EVPL: variants seen among roughly 807,000 people sequenced by gnomAD.
EVPL encodes the protein envoplakin.
Under a neutral mutation model 129.7 loss-of-function variants are expected in EVPL, and 94 were observed. That is an observed-to-expected ratio of 0.72 (90% CI 0.61 to 0.86). The LOEUF is 0.86. Among genes scored for constraint, EVPL ranks in the 40% least tolerant of loss-of-function variants. EVPL has a pLI of 0.00. For synonymous variants in EVPL, 1,172 were observed against 1,191.1 expected (o/e 0.98, Z 0.33); for missense variants, 2,625 against 2,721.1 (o/e 0.96, Z 0.79).
rs2066363814 is a variant in EVPL, at chr17:76,010,085, C to T, written c.3120G>A (p.Gln1040=). The change falls in exon 22 of 22, where the codon CAG becomes CAA. Residue 1040 remains glutamine, a synonymous_variant. Transcript: ENST00000301607. ...SQAAQLRIQI[Q]QLRGEDAVIS... ...TGACGGCATCCTCCCCGCGGAGCTG[C>T]TGGATCTGGATCCTGAGCTGGGCCG... 6.2e-7 allele frequency: 1 copy of T among 1,613,864 alleles called. No homozygotes were observed. Among genetic ancestry groups the T allele is most frequent in the East Asian group, 2.2e-5 (1 of 44,882 alleles).
intron 1 of EVPL, 101 bp downstream of exon 1, chr17:76,027,000 C>T: frequency 1.5e-6 from 1 of 674,116 alleles, no homozygotes; most frequent in Non-Finnish European, 2.5e-6. Context: ...GGGGCTGGTC[C>T]TGGGCTCTGG....
In EVPL at chr17:76,009,464, C is replaced by T. The variant is rs534647471; in HGVS notation, c.3741G>A (p.Thr1247=). 5.0e-6 allele frequency: 8 copies of T among 1,614,136 alleles called. No homozygotes were observed. Among genetic ancestry groups the T allele is most frequent in the East Asian group, 2.2e-5 (1 of 44,872 alleles). The change falls in exon 22 of 22, where the codon ACG becomes ACA. Residue 1247 remains threonine (T), a synonymous_variant. Transcript: ENST00000301607. This position sits in a 1 kb window ranked among gnomAD's most constrained non-coding sequence, Gnocchi z 5.9. ...CCTGGGTCACCTCCTTGTACTCCAC[C>T]GTGGGCTTCTGGGCCCGCAGGACCT... ...DLEVLRAQKP[T]VEYKEVTQEV... is the part of the protein sequence containing the mutation.
chr17:76,007,100 G>C lies in EVPL; in HGVS notation c.*3C>G. ...CACTTCCCCACTGGCTCCTTGGCCC[G>C]TGTCAGCGAAGGGAGCGCGGGACGG... On this transcript the variant is annotated 3_prime_UTR_variant, in exon 22 of 22. Transcript: ENST00000301607. The surrounding 1 kb of genome is among the most constrained non-coding windows in gnomAD (Gnocchi z 8.8). 2.1e-6 allele frequency: 3 copies of C among 1,450,828 alleles called. No homozygotes were observed. The highest frequency in any genetic ancestry group is 2.7e-6 in the Non-Finnish European group (3 of 1,100,678). 89.9% of individuals were successfully genotyped at this position (1,450,828 alleles called of 1,614,324 possible).
chr17:76,019,083 G>T, intron 10 of EVPL, 23 bp from the exon 11 acceptor site: 1 of 1,564,210 alleles, frequency 6.4e-7, no homozygotes, highest in Non-Finnish European at 8.6e-7. Flanking sequence ...CAGGCAGTGG[G>T]GGACTCAGGC....
In EVPL at chr17:76,023,493, C is replaced by CA. The variant is rs2066477829; in HGVS notation, c.353+6dup. 6.2e-7 allele frequency: 1 copy of CA among 1,612,514 alleles called. No individual in the cohort carries two copies. Among genetic ancestry groups the CA allele is most frequent in the African/African-American group, 1.3e-5 (1 of 74,896 alleles). On this transcript the variant is annotated splice_region_variant and intron_variant, in intron 3 of 21. Transcript: ENST00000301607. ...GGGACCCCCAGCCCTGCCGCAGCTCCACTCACTCCTTCTCAATCTCCTCAG... is the reference window on the plus strand; with the variant it reads ...GGGACCCCCAGCCCTGCCGCAGCTCCAACTCACTCCTTCTCAATCTCCTCAG...
rs1381147361 is a variant in EVPL at position 76,022,433 on chromosome 17, G to A, written c.586C>T (p.Leu196=). ...CCTACCGGCCCCACGAGGCTCCGCA[G>A]CTGCTGCCCATAGGCGTCGATCTCC... ...QKEIDAYGQQ[L]RSLVGPDAAT... The change falls in exon 5 of 22, where the codon CTG becomes TTG. Residue 196 remains leucine (L), a synonymous_variant. Transcript: ENST00000301607. The surrounding 1 kb of genome is among the most constrained non-coding windows in gnomAD (Gnocchi z 5.6). 1.9e-6 allele frequency: 3 copies of A among 1,613,806 alleles called. No individual in the cohort carries two copies. The highest frequency in any genetic ancestry group is 2.5e-6 in the Non-Finnish European group (3 of 1,179,964).
rs114287463 is a variant in EVPL, at chr17:76,010,205, G to A, written c.3000C>T (p.Val1000=). ...QADLEVAAQK[V]VQLESKRKTM... ...TCTTCCTCTTGCTTTCCAGCTGCAC[G>A]ACCTTCTGGGCTGCCACTTCCAGGT... is the stretch of plus-strand genomic sequence containing the variant. Residue 1000 remains valine, a synonymous_variant, in exon 22 of 22, where the codon GTC becomes GTT. Coordinates refer to ENST00000301607, the MANE Select transcript of EVPL (RefSeq NM_001988.4). 24 of 1,613,808 alleles carry A rather than the reference G, an allele frequency of 1.5e-5. No individual in the cohort carries two copies. The highest frequency in any genetic ancestry group is 1.8e-5 in the Non-Finnish European group (21 of 1,180,022).
chr17:76,008,702 G>T lies in EVPL; in HGVS notation c.4503C>A (p.Asn1501Lys), dbSNP rs1189684769. Residue 1501 changes from asparagine to lysine, a missense_variant, in exon 22 of 22, where the codon AAC (asparagine) becomes AAA (lysine). Asn to Lys is a moderately conservative substitution (Grantham distance 94, BLOSUM62 0). Transcript: ENST00000301607. The surrounding 1 kb of genome is among the most constrained non-coding windows in gnomAD (Gnocchi z 7.4). ...GGAGGACGTCAATCTGGACCTGCAG[G>T]TTCTTGCACTCCCGATTCAGCTCGG... ...QVTELNRECK[N>K]LQVQIDVLQK... 1.2e-6 allele frequency: 2 copies of T among 1,613,522 alleles called. No homozygotes were observed. Among genetic ancestry groups the T allele is most frequent in the Non-Finnish European group, 1.7e-6 (2 of 1,180,026 alleles).
intron 18 of EVPL, 169 bp from the exon 19 acceptor site, chr17:76,012,258 T>C: frequency 1.7e-6 from 1 of 571,492 alleles, no homozygotes; most frequent in Non-Finnish European, 3.1e-6. Context: ...CATCATTCTC[T>C]CTGCTTTTCC....
rs75548408 is a variant in EVPL, at chr17:76,019,312, C to T, written c.1137+216G>A. Among the ~76,000 whole-genome samples the T allele has an allele frequency of 6.5e-3, 992 of 152,218 alleles. 7 individuals carry two copies. Among genetic ancestry groups the T allele is most frequent in the African/African-American group, 0.023 (938 of 41,534 alleles). On this transcript the variant is annotated intron_variant, in intron 10 of 21. Transcript: ENST00000301607. ...CAGGCCTCAGAGCTCTCCCAGGCTGCCCTTGTCCCACTGCAAATGAGGAAA... is the reference window on the plus strand; with the variant it reads ...CAGGCCTCAGAGCTCTCCCAGGCTGTCCTTGTCCCACTGCAAATGAGGAAA...
chr17:76,022,278 G>A lies in EVPL; in HGVS notation c.607-51C>T. 1 of 1,607,612 alleles carries A rather than the reference G, an allele frequency of 6.2e-7. No homozygotes were observed. On this transcript the variant is annotated intron_variant, in intron 5 of 21. Coordinates refer to ENST00000301607, the MANE Select transcript of EVPL (RefSeq NM_001988.4). The surrounding 1 kb of genome is among the most constrained non-coding windows in gnomAD (Gnocchi z 5.6). ...GCCCGTGAGAGGTGGGGTGCAGGGA[G>A]ACGGCCCCCTAAGATCTGGGCCAGC... is the stretch of plus-strand genomic sequence containing the variant.
intron 14 of EVPL, 69 bp from the exon 15 acceptor site, chr17:76,015,697 T>C: frequency 6.7e-7 from 1 of 1,498,172 alleles, no homozygotes; most frequent in South Asian, 1.2e-5. Flanking sequence ...CAGGATACCC[T>C]AACTCTGCGC....
intron 9 of EVPL, among the ~76,000 whole-genome samples, 167 bp downstream of exon 9, chr17:76,021,301 C>T (rs569261842): frequency 2.5e-3 from 382 of 152,282 alleles, no homozygotes; most frequent in African/African-American, 8.5e-3. Flanking sequence ...AGTGATCCAC[C>T]AGCCTCGGCC....
chr17:76,008,590 C>G lies in EVPL; in HGVS notation c.4615G>C (p.Val1539Leu), dbSNP rs147437042. ...DRVLEDERAR[V>L]WEMLNRERTA... Reference sequence around the variant, plus strand: ...CGCTCCCTGTTGAGCATCTCCCACACGCGGGCCCGCTCATCTTCCAGGACG... The same window carrying G: ...CGCTCCCTGTTGAGCATCTCCCACAGGCGGGCCCGCTCATCTTCCAGGACG... Residue 1539 changes from valine (V) to leucine (L), a missense_variant, in exon 22 of 22, where the codon GTG (valine) becomes CTG (leucine). Around this residue, in one of 4 missense-constraint regions of EVPL, gnomAD observed 1,453 missense variants for 1,511.8 expected, o/e 0.96. Transcript: ENST00000301607. The surrounding 1 kb of genome is among the most constrained non-coding windows in gnomAD (Gnocchi z 7.4). The G allele has an allele frequency of 5.8e-4, 934 of 1,611,342 alleles. 5 individuals are homozygous for G. The African/African-American group carries it at 0.011, about 19-fold the overall frequency.
chr17:76,020,125 A>C (rs963220283), intron 9 of EVPL, among the ~76,000 whole-genome samples: 2 of 150,180 alleles, frequency 1.3e-5, no homozygotes, highest in East Asian at 2.0e-4. Context: ...CTTAAACCAG[A>C]TAAACCTAAA....
chr17:76,010,663 G>C, intron 21 of EVPL, 120 bp from the exon 22 acceptor site: 1 of 1,083,426 alleles, frequency 9.2e-7, no homozygotes, highest in Non-Finnish European at 1.3e-6. Flanking sequence ...CCTCAGAGGT[G>C]GAGCTGAAGA....
Position 76,009,683 on chromosome 17 carries a change from GC to G in EVPL, c.3521del (p.Ser1174ThrfsTer80). ...TKNATLARELSDLHSKYSVVE... is the reference protein window; with the variant it reads ...TKNATLARELXDLHSKYSVVE... ...CCACGCTGTACTTGCTGTGCAGGTC[GC>G]TCAGCTCCCTGGCCAGCGTCGCGTT... On this transcript the variant is annotated frameshift_variant, in exon 22 of 22. Coordinates refer to ENST00000301607, the MANE Select transcript of EVPL (RefSeq NM_001988.4). LOFTEE classifies it low-confidence loss of function (END_TRUNC). The surrounding 1 kb of genome is among the most constrained non-coding windows in gnomAD (Gnocchi z 5.9). 6.2e-7 allele frequency: 1 copy of G among 1,613,354 alleles called. No homozygotes were observed. The highest frequency in any genetic ancestry group is 1.6e-4 in the Middle Eastern group (1 of 6,062).
rs779634385 is a variant in EVPL, at chr17:76,023,399, G to A, written c.373C>T (p.Arg125Trp). ...TACTCCGCACACTCCTGGGTCACCC[G>A]CTCGTGCAGCTGCTTGATGCTGTCA... The part of the protein sequence containing the change: ...IEKDIKQLHE[R>W]VTQECAEYRA... The change falls in exon 4 of 22, where the codon CGG becomes TGG. Residue 125 changes from arginine (R) to tryptophan (W), a missense_variant. Physicochemically the swap from Arg to Trp is moderately radical, Grantham distance 101. Transcript: ENST00000301607. 16 of 1,613,712 alleles carry A rather than the reference G, an allele frequency of 9.9e-6. No homozygotes were observed. Among genetic ancestry groups the A allele is most frequent in the South Asian group, 3.3e-5 (3 of 91,076 alleles).
At chr17:76,026,945 G>A (rs2144448702) in intron 1 of EVPL, among the ~76,000 whole-genome samples, 156 bp downstream of exon 1, 2 of 152,366 alleles carry the variant, frequency 1.3e-5, no homozygotes, top group South Asian at 4.1e-4. Context: ...CAGGGAGAGA[G>A]TCCATCCCTG....
Sources: allele counts gnomAD v4.1 joint callset (sites outside exome capture counted in the v4.1 genomes callset), GRCh38; gene constraint gnomAD v4.1.1; regional missense constraint gnomAD v4.1.1; non-coding constraint Gnocchi (gnomAD v3.1); transcripts MANE v1.5; gene names NCBI Gene and HGNC (gene_info 2026-07-23, HGNC 2026-07-21).